Variants in GRM1 observed in about 807,000 individuals in gnomAD.
GRM1 encodes metabotropic glutamate receptor 1.
In GRM1, 33 loss-of-function variants were observed where a neutral mutation model predicts 90.9. The ratio of observed to expected loss-of-function variants is 0.36; its 90% CI spans 0.28 to 0.49. The LOEUF (loss-of-function observed/expected upper bound fraction) is 0.49. Ranked by LOEUF, GRM1 falls within the 20% of genes least tolerant of loss-of-function variation. The pLI is 0.99. For missense variants in GRM1, 1,190 were observed against 1,534.3 expected (o/e 0.78, Z 3.75); for synonymous variants, 700 against 613.2 (o/e 1.14, Z -2.09).
rs11343198 is a variant in GRM1 at position 146,349,232 on chromosome 6, A to AT, written c.1187-3005dup. ...CAGGCGCCTGCCACCATGCCCGGCT[A>AT]TTTTTTTTTTTTTATTTTTTTTTTA... On this transcript the variant is annotated intron_variant, in intron 3 of 7. Coordinates refer to ENST00000282753, the MANE Select transcript of GRM1 (RefSeq NM_001278064.2). Among the ~76,000 whole-genome samples, 133 of 134,712 alleles carry AT rather than the reference A, an allele frequency of 9.9e-4. 1 individual carries two copies. Among genetic ancestry groups the AT allele is most frequent in the South Asian group, 3.1e-3 (12 of 3,928 alleles). The allele number at this position is 134,712 out of a possible 152,430, so 88.4% of individuals were successfully genotyped here.
chr6:146,425,437 C>G (rs933303833), intron 7 of GRM1, among the ~76,000 whole-genome samples: 3 of 152,202 alleles, frequency 2.0e-5, no homozygotes, highest in Non-Finnish European at 4.4e-5. Flanking sequence ...ACTCGTCTGT[C>G]TACTTTGATG....
chr6:146,303,105 T>C (rs1438029253), intron 2 of GRM1, among the ~76,000 whole-genome samples: 2 of 152,166 alleles, frequency 1.3e-5, no homozygotes, highest in Admixed American at 1.3e-4. Context: ...ATGCAGCTCA[T>C]GTGTGGTTCA....
chr6:146,373,100 T>G (rs1404927085), intron 5 of GRM1, among the ~76,000 whole-genome samples: 1 of 152,172 alleles, frequency 6.6e-6, no homozygotes, highest in Non-Finnish European at 1.5e-5. Context: ...TCAATTAACA[T>G]AAAAATTTTT....
chr6:146,174,176 T>C (rs547406695), intron 2 of GRM1, among the ~76,000 whole-genome samples: 92 of 152,246 alleles, frequency 6.0e-4, no homozygotes, highest in African/African-American at 2.2e-3. Context: ...ATTTTTACTC[T>C]TTTTTCCTAG....
chr6:146,295,053 T>C (rs900598902), intron 2 of GRM1, among the ~76,000 whole-genome samples: 4 of 152,146 alleles, frequency 2.6e-5, no homozygotes, highest in Non-Finnish European at 5.9e-5. Flanking sequence ...CAGCTTATCT[T>C]GCGCTTGCTG....
intron 5 of GRM1, among the ~76,000 whole-genome samples, chr6:146,360,140 C>T (rs1775411358): frequency 6.6e-6 from 1 of 152,102 alleles, no homozygotes; most frequent in African/African-American, 2.4e-5. Flanking sequence ...GTAGGACATA[C>T]ACTTGTATTA....
chr6:146,091,097 C>A (rs1308443594), intron 1 of GRM1, among the ~76,000 whole-genome samples: 1 of 152,024 alleles, frequency 6.6e-6, no homozygotes, highest in Non-Finnish European at 1.5e-5. Context: ...CAATATCAGG[C>A]CTTAAAAAGA....
At chr6:146,069,822 A>G (rs149904181) in intron 1 of GRM1, among the ~76,000 whole-genome samples, 3 of 152,282 alleles carry the variant, frequency 2.0e-5, no homozygotes, top group African/African-American at 7.2e-5. Context: ...ATTTTTTACT[A>G]TATGCTAAAT....
At chr6:146,312,169 A>G (rs1308166780) in intron 3 of GRM1, among the ~76,000 whole-genome samples, 3 of 151,636 alleles carry the variant, frequency 2.0e-5, no homozygotes, top group Non-Finnish European at 4.4e-5. Flanking sequence ...CTGAAACCCC[A>G]TCTCTACTAA....
At chr6:146,171,672 G>A (rs2128894705) in intron 2 of GRM1, 1 of 284,780 alleles carries the variant, frequency 3.5e-6, no homozygotes, top group East Asian at 1.0e-4. Flanking sequence ...AAAGATGACT[G>A]GCAACAACTA....
chr6:146,153,271 A>G (rs1777405418), intron 1 of GRM1, among the ~76,000 whole-genome samples: 1 of 152,222 alleles, frequency 6.6e-6, no homozygotes, highest in Non-Finnish European at 1.5e-5. Flanking sequence ...AATGAAAGTA[A>G]TAGAATGTTA....
intron 2 of GRM1, among the ~76,000 whole-genome samples, chr6:146,161,695 C>G (rs764893677): frequency 1.3e-5 from 2 of 152,216 alleles, no homozygotes; most frequent in Non-Finnish European, 2.9e-5. Flanking sequence ...ATACCATACT[C>G]TTTGCCAAGT....
chr6:146,283,998 TGTAATTGCA>T (rs2114862949), intron 2 of GRM1, among the ~76,000 whole-genome samples: 1 of 152,336 alleles, frequency 6.6e-6, no homozygotes, highest in African/African-American at 2.4e-5. Flanking sequence ...TTCATGGTTT[TGTAATTGCA>T]GATGTTCTGT....
Position 146,349,044 on chromosome 6 carries a change from CTATTATTATTATTAT to C in GRM1, c.1187-3180_1187-3166del, listed in dbSNP as rs71028388. Among the ~76,000 whole-genome samples, 659 of 141,526 alleles carry C rather than the reference CTATTATTATTATTAT, an allele frequency of 4.7e-3. 2 individuals are homozygous for C. Among genetic ancestry groups the C allele is most frequent in the Non-Finnish European group, 8.0e-3 (528 of 65,624 alleles). The allele number at this position is 141,526 out of a possible 152,430, so 92.8% of individuals were successfully genotyped here. A position where few individuals can be genotyped will look rare whatever the true frequency, so the allele number is the denominator to read the frequency against. On this transcript the variant is annotated intron_variant, in intron 3 of 7. Transcript: ENST00000282753. ...GTATATAACAAACAAGAAGTGGTAG[CTATTATTATTATTAT>C]TATTATTATTATTATTATTATTATT...
rs74794661 is a variant in GRM1, at chr6:146,095,299, A to G, written c.701-64049A>G. On this transcript the variant is annotated intron_variant, in intron 1 of 7. Coordinates refer to ENST00000282753, the MANE Select transcript of GRM1 (RefSeq NM_001278064.2). ...TTGCCTATTTAGTCCCTTATGGTCA[A>G]ATGGTGAGCAGATTGATCACTTTAA... is the stretch of plus-strand genomic sequence containing the variant. Among the ~76,000 whole-genome samples the G allele has an allele frequency of 8.3e-3, 1,268 of 152,190 alleles. 11 individuals are homozygous for G. Among genetic ancestry groups the G allele is most frequent in the African/African-American group, 0.029 (1,201 of 41,530 alleles).
chr6:146,380,323 A>T (rs961197402), intron 5 of GRM1, among the ~76,000 whole-genome samples: 35 of 151,784 alleles, frequency 2.3e-4, no homozygotes, highest in African/African-American at 8.5e-4. Flanking sequence ...AAACCACAAG[A>T]TGCAGTCCTT....
intron 2 of GRM1, among the ~76,000 whole-genome samples, chr6:146,261,957 C>T (rs1407621422): frequency 6.6e-6 from 1 of 151,460 alleles, no homozygotes; most frequent in South Asian, 2.1e-4. Context: ...TAGAAAGTTA[C>T]AAAGGAAAGC....
At chr6:146,139,984 CCG>C (rs1776787639) in intron 1 of GRM1, among the ~76,000 whole-genome samples, 1 of 121,240 alleles carries the variant, frequency 8.2e-6, no homozygotes, top group African/African-American at 3.2e-5. Context: ...CCGCTTCCCT[CCG>C]CTTCCCTCCG....
At chr6:146,135,620 G>T (rs553461456) in intron 1 of GRM1, among the ~76,000 whole-genome samples, 1 of 152,148 alleles carries the variant, frequency 6.6e-6, no homozygotes, top group African/African-American at 2.4e-5. Context: ...CCAACCACTG[G>T]TTAGGTTTCC....
Sources: gnomAD v4.1 joint callset for allele counts (sites outside exome capture counted in the v4.1 genomes callset) on GRCh38, gnomAD v4.1.1 for gene constraint, MANE v1.5 for transcripts, NCBI Gene and HGNC (gene_info 2026-07-23, HGNC 2026-07-21) for gene names.